Variants in ATRNL1 observed in about 807,000 individuals in gnomAD.
ATRNL1 encodes attractin like 1.
In ATRNL1, 95 loss-of-function variants were observed where a neutral mutation model predicts 182.7. The ratio of observed to expected loss-of-function variants is 0.52; its 90% CI spans 0.44 to 0.62. The LOEUF (loss-of-function observed/expected upper bound fraction) is 0.62. Ranked by LOEUF, ATRNL1 falls within the 20% of genes least tolerant of loss-of-function variation. ATRNL1 has a pLI of 0.00. For missense variants in ATRNL1, 1,471 were observed against 1,679.5 expected (o/e 0.88, Z 2.17); for synonymous variants, 576 against 568.3 (o/e 1.01, Z -0.19).
chr10:115,204,724 C>G (rs1848731627), intron 8 of ATRNL1, among the ~76,000 whole-genome samples: 1 of 151,920 alleles, frequency 6.6e-6, no homozygotes, highest in Non-Finnish European at 1.5e-5. Context: ...CTATATTTAT[C>G]AGGAATATTG....
At chr10:115,621,395 C>T (rs782236924) in intron 26 of ATRNL1, among the ~76,000 whole-genome samples, 8 of 151,554 alleles carry the variant, frequency 5.3e-5, no homozygotes, top group Non-Finnish European at 8.8e-5. Context: ...GCCTTGACCT[C>T]CTGGGCTCAG....
intron 24 of ATRNL1, among the ~76,000 whole-genome samples, chr10:115,511,991 A>C (rs1219472008): frequency 6.6e-6 from 1 of 151,918 alleles, no homozygotes; most frequent in Non-Finnish European, 1.5e-5. Context: ...TGTATAATGA[A>C]TAAAATTATT....
chr10:115,639,998 G>A (rs1031511140), intron 26 of ATRNL1, among the ~76,000 whole-genome samples: 3 of 151,946 alleles, frequency 2.0e-5, no homozygotes, highest in African/African-American at 4.8e-5. Flanking sequence ...CCTGCCCAGT[G>A]TGTGATGTGT....
intron 9 of ATRNL1, among the ~76,000 whole-genome samples, chr10:115,224,664 CAT>C (rs797034099): frequency 2.0e-5 from 3 of 146,464 alleles, no homozygotes; most frequent in South Asian, 2.5e-4. Flanking sequence ...TGACAGATCA[CAT>C]AGAGATTAAA....
Position 115,281,358 on chromosome 10 carries a change from G to A in ATRNL1, c.2104G>A (p.Val702Ile). 6.2e-7 allele frequency: 1 copy of A among 1,611,260 alleles called. No homozygotes were observed. Among genetic ancestry groups the A allele is most frequent in the South Asian group, 1.1e-5 (1 of 90,626 alleles). Residue 702 changes from valine (V) to isoleucine (I), a missense_variant, in exon 14 of 29, where the codon GTC becomes ATC. Val to Ile is a conservative substitution (Grantham distance 29). Transcript: ENST00000355044. ...ISANSNCSMSVKNYTKCHVRN... is the reference protein window; with the variant it reads ...ISANSNCSMSIKNYTKCHVRN... ...ACATGCTCTTTTAATTTTGTAGTCT[G>A]TCAAGAACTACACCAAATGTCATGT...
chr10:115,202,146 T>C (rs1848606663), intron 8 of ATRNL1, among the ~76,000 whole-genome samples: 3 of 151,994 alleles, frequency 2.0e-5, no homozygotes, highest in Admixed American at 2.0e-4. Flanking sequence ...GGCAATGGGG[T>C]TTTCTAGATA....
intron 19 of ATRNL1, among the ~76,000 whole-genome samples, chr10:115,339,369 G>A (rs944705152): frequency 5.3e-5 from 8 of 151,724 alleles, no homozygotes; most frequent in African/African-American, 1.7e-4. Context: ...ATGCATTTTT[G>A]GTATCCTCTT....
At position 115,316,328 on chromosome 10, in the gene ATRNL1, C is replaced by T. The variant is rs142353434; in HGVS notation, c.3037+592C>T. On this transcript the variant is annotated intron_variant, in intron 18 of 28. Coordinates refer to ENST00000355044, the MANE Select transcript of ATRNL1 (RefSeq NM_207303.4). ...GCTATGCAGTATTCCATGGTGTATACGAACCACATTTTCTATATCCAGTCT... is the reference window on the plus strand; with the variant it reads ...GCTATGCAGTATTCCATGGTGTATATGAACCACATTTTCTATATCCAGTCT... 3.1e-3 allele frequency among the ~76,000 whole-genome samples: 469 copies of T among 152,204 alleles called. 2 individuals are homozygous for T. Among genetic ancestry groups the T allele is most frequent in the African/African-American group, 0.011 (451 of 41,522 alleles).
chr10:115,102,913 G>A (rs1843836236), intron 1 of ATRNL1, among the ~76,000 whole-genome samples: 1 of 151,732 alleles, frequency 6.6e-6, no homozygotes, highest in Admixed American at 6.6e-5. Context: ...GAATTGATAT[G>A]TAAATAATAT....
chr10:115,625,605 C>T (rs1555024408), intron 26 of ATRNL1, among the ~76,000 whole-genome samples: 1 of 151,982 alleles, frequency 6.6e-6, no homozygotes, highest in Non-Finnish European at 1.5e-5. Context: ...TCTAGAAACA[C>T]CTTTGCAGGT....
At chr10:115,677,855 G>GT (rs146827075) in intron 26 of ATRNL1, among the ~76,000 whole-genome samples, 1,767 of 152,078 alleles carry the variant, frequency 0.012, 34 homozygotes, top group African/African-American at 0.04. Flanking sequence ...GCTCCAAAGG[G>GT]TATCAGTGGC....
chr10:115,522,334 G>T (rs1554985462), intron 25 of ATRNL1, among the ~76,000 whole-genome samples: 1 of 152,154 alleles, frequency 6.6e-6, no homozygotes, highest in Admixed American at 6.5e-5. Context: ...AGCGGAGCTG[G>T]CATGTGTAGC....
At chr10:115,584,107 G>A (rs1376415888) in intron 26 of ATRNL1, among the ~76,000 whole-genome samples, 33 of 151,416 alleles carry the variant, frequency 2.2e-4, no homozygotes, top group African/African-American at 7.3e-4. Flanking sequence ...AAGCCCACTC[G>A]ATCATGGTGG....
chr10:115,917,119 G>A (rs893288745), intron 28 of ATRNL1, among the ~76,000 whole-genome samples: 1 of 152,162 alleles, frequency 6.6e-6, no homozygotes, highest in Admixed American at 6.5e-5. Context: ...AACTCTGACT[G>A]CCACTTTAGT....
chr10:115,093,818 G>A lies in ATRNL1; in HGVS notation c.68G>A (p.Arg23Gln). The A allele has an allele frequency of 1.3e-6, 2 of 1,497,588 alleles. No individual in the cohort carries two copies. The highest frequency in any genetic ancestry group is 8.9e-7 in the Non-Finnish European group (1 of 1,125,290). The allele number at this position is 1,497,588 out of a possible 1,614,324, so 92.8% of individuals were successfully genotyped here. A position where few individuals can be genotyped will look rare whatever the true frequency, so the allele number is the denominator to read the frequency against. ...GCGGCCCCGGGGGTGTGGAGGGCTC[G>A]GCCGGCGGGCGGCGGCGGCGGGGGC... is the stretch of plus-strand genomic sequence containing the variant. ...QPAAPGVWRA[R>Q]PAGGGGGGAS... Residue 23 changes from arginine to glutamine, a missense_variant, in exon 1 of 29, where the codon CGG (arginine) becomes CAG (glutamine). Physicochemically the swap from Arg to Gln is conservative, Grantham distance 43. This residue lies in a region of ATRNL1 where 1,031 missense variants were observed against 1,156.0 expected (regional missense o/e 0.89). Transcript: ENST00000355044. The surrounding 1 kb of genome is among the most constrained non-coding windows in gnomAD (Gnocchi z 6.1).
intron 22 of ATRNL1, among the ~76,000 whole-genome samples, chr10:115,464,981 A>G (rs1266198660): frequency 6.6e-6 from 1 of 151,736 alleles, no homozygotes; most frequent in African/African-American, 2.4e-5. Flanking sequence ...TATAAGCACT[A>G]TGGGCTGAAA....
intron 26 of ATRNL1, among the ~76,000 whole-genome samples, chr10:115,574,037 A>G (rs185174996): frequency 6.6e-6 from 1 of 152,282 alleles, no homozygotes; most frequent in East Asian, 1.9e-4. Flanking sequence ...CACTTAAAGC[A>G]GAAAATTCTT....
chr10:115,337,219 G>C (rs1230209596), intron 19 of ATRNL1, among the ~76,000 whole-genome samples: 1 of 151,972 alleles, frequency 6.6e-6, no homozygotes. Context: ...GTACATAGTA[G>C]GTGTATATAT....
At chr10:115,376,003 T>C (rs1247435028) in intron 19 of ATRNL1, among the ~76,000 whole-genome samples, 3 of 152,158 alleles carry the variant, frequency 2.0e-5, no homozygotes, top group African/African-American at 7.2e-5. Flanking sequence ...CTTTAGTATT[T>C]ATTGTAAATC....
Sources: allele counts gnomAD v4.1 joint callset (sites outside exome capture counted in the v4.1 genomes callset), GRCh38; gene constraint gnomAD v4.1.1; regional missense constraint gnomAD v4.1.1; non-coding constraint Gnocchi (gnomAD v3.1); transcripts MANE v1.5; gene names NCBI Gene and HGNC (gene_info 2026-07-23, HGNC 2026-07-21).